The following TMEM273 variants were observed in gnomAD, a reference collection of about 807,000 sequenced individuals.
The protein encoded by TMEM273 is transmembrane protein 273, also known as chromosome 10 open reading frame 128.
TMEM273 carries 19 observed loss-of-function variants against 17.9 expected under a neutral mutation model. The observed-to-expected ratio is 1.06, with a 90% CI of 0.74 to 1.55. TMEM273 has a LOEUF of 1.55. Among genes scored for constraint, TMEM273 ranks in the 40% most tolerant of loss-of-function variants. The pLI, the probability that TMEM273 is intolerant of heterozygous loss-of-function variation, is 0.00. For synonymous variants in TMEM273, 66 were observed against 62.0 expected (o/e 1.07, Z -0.31); for missense variants, 194 against 155.6 (o/e 1.25, Z -1.31).
At chr10:49,170,774 C>G (rs2132186205) in intron 1 of TMEM273, among the ~76,000 whole-genome samples, 1 of 152,320 alleles carries the variant, frequency 6.6e-6, no homozygotes, top group South Asian at 2.1e-4. Context: ...AGCTGTGACT[C>G]TACACACTCA....
intron 1 of TMEM273, among the ~76,000 whole-genome samples, chr10:49,173,478 G>T (rs1049762772): frequency 6.6e-6 from 1 of 152,168 alleles, no homozygotes; most frequent in African/African-American, 2.4e-5. Context: ...TCTCTTTGCC[G>T]CAATGCTTTT....
chr10:49,156,149 T>C (rs1169429079), intron 6 of TMEM273: 1 of 1,526,870 alleles, frequency 6.5e-7, no homozygotes, highest in South Asian at 1.2e-5. Context: ...CAAACAAAAC[T>C]TCATCCACTT....
intron 1 of TMEM273, among the ~76,000 whole-genome samples, chr10:49,176,845 A>G (rs577213406): frequency 1.8e-4 from 27 of 152,344 alleles, no homozygotes; most frequent in Non-Finnish European, 3.8e-4. Context: ...CATCCGTGCT[A>G]GGCATCTCCA....
At chr10:49,185,755 G>A (rs1459673482) in intron 1 of TMEM273, among the ~76,000 whole-genome samples, 1 of 152,024 alleles carries the variant, frequency 6.6e-6, no homozygotes, top group East Asian at 1.9e-4. Context: ...GAGGTGGGCG[G>A]AACACCTGAG....
At chr10:49,177,767 T>A (rs1317843351) in intron 1 of TMEM273, among the ~76,000 whole-genome samples, 1 of 152,224 alleles carries the variant, frequency 6.6e-6, no homozygotes, top group Non-Finnish European at 1.5e-5. Context: ...CTCAGGGAGC[T>A]CTGGCTGGGT....
At chr10:49,163,884 G>T (rs563563538) in intron 5 of TMEM273, among the ~76,000 whole-genome samples, 1 of 152,112 alleles carries the variant, frequency 6.6e-6, no homozygotes, top group East Asian at 1.9e-4. Flanking sequence ...CATCCCAAGC[G>T]CATGACTCCA....
chr10:49,167,460 C>T (rs529227176), intron 2 of TMEM273, among the ~76,000 whole-genome samples: 34 of 152,322 alleles, frequency 2.2e-4, no homozygotes, highest in Middle Eastern at 3.4e-3. Context: ...GAGCTCATGA[C>T]GGGAGAGGCT....
chr10:49,156,632 T>C (rs925077779), intron 6 of TMEM273, among the ~76,000 whole-genome samples: 13 of 152,218 alleles, frequency 8.5e-5, no homozygotes, highest in African/African-American at 3.1e-4. Flanking sequence ...GACTTTCCAT[T>C]GTGTATATTC....
At chr10:49,186,531 T>C (rs1847740397) in intron 1 of TMEM273, among the ~76,000 whole-genome samples, 4 of 152,228 alleles carry the variant, frequency 2.6e-5, no homozygotes, top group Admixed American at 2.0e-4. Context: ...TCATATCCAA[T>C]AGTGAGTGCT....
At chr10:49,156,402 G>T in intron 6 of TMEM273, 2 of 644,270 alleles carry the variant, frequency 3.1e-6, no homozygotes, top group Non-Finnish European at 4.5e-6. Context: ...CAGCATAGGT[G>T]TCTAAAAAAG....
rs61599274 is a variant in TMEM273, at chr10:49,187,626, GTCTC to G, written c.43+664_43+667del. 5.1e-3 allele frequency among the ~76,000 whole-genome samples: 777 copies of G among 151,342 alleles called. 7 individuals carry two copies. The highest frequency in any genetic ancestry group is 0.018 in the African/African-American group (727 of 41,304). ...TAACCATCTCTCTATGTCTCTGTCT[GTCTC>G]TCTCTCTCTCTCTTTGAGTTTCTTC... On this transcript the variant is annotated intron_variant, in intron 1 of 6. Transcript: ENST00000374153.
intron 5 of TMEM273, among the ~76,000 whole-genome samples, chr10:49,163,711 A>T (rs1003982827): frequency 6.6e-6 from 1 of 152,170 alleles, no homozygotes; most frequent in African/African-American, 2.4e-5. Context: ...AGAGAAGGAG[A>T]GTGAGAGTCA....
chr10:49,185,498 G>C (rs188599281), intron 1 of TMEM273, among the ~76,000 whole-genome samples: 1 of 152,106 alleles, frequency 6.6e-6, no homozygotes, highest in Non-Finnish European at 1.5e-5. Context: ...GCACTAAACA[G>C]TGCTCTAGGC....
rs1472366368 is a variant in TMEM273 at position 49,165,795 on chromosome 10, G to A, written c.240C>T (p.Asp80=). 1.2e-6 allele frequency: 2 copies of A among 1,614,168 alleles called. No individual in the cohort carries two copies. Among genetic ancestry groups the A allele is most frequent in the South Asian group, 2.2e-5 (2 of 91,074 alleles). Residue 80 remains aspartate, a splice_region_variant and synonymous_variant, in exon 4 of 7, where the codon GAC becomes GAT. Coordinates refer to ENST00000374153, the MANE Select transcript of TMEM273 (RefSeq NM_001288740.3). ...GGGCTCTCTTCTTTAGCGGGATGGT[G>A]TCTAAACAGAGAAAGCCGGGCATTA... ...DLKSTPGGLS[D]TIPLKKRAPR...
intron 1 of TMEM273, among the ~76,000 whole-genome samples, chr10:49,183,849 A>C (rs923196371): frequency 2.0e-5 from 3 of 152,132 alleles, no homozygotes; most frequent in African/African-American, 7.2e-5. Flanking sequence ...AGAGTGTTAC[A>C]TGTAAGAGGA....
At chr10:49,176,993 T>C (rs7912402) in intron 1 of TMEM273, among the ~76,000 whole-genome samples, 52,018 of 152,132 alleles carry the variant, frequency 0.34, 9,054 homozygotes, top group South Asian at 0.54. Flanking sequence ...CTGCAGTCCA[T>C]TCTTCAGGGG....
At chr10:49,166,749 C>T (rs977084533) in intron 3 of TMEM273, 120 bp downstream of exon 3, 4 of 1,472,954 alleles carry the variant, frequency 2.7e-6, no homozygotes, top group Non-Finnish European at 3.8e-6. Context: ...CACTGCCTTC[C>T]TTTACAGCCT....
Position 49,155,724 on chromosome 10 carries a change from A to G in TMEM273, c.*168T>C. ...GAGGCATGATATTTTCCTTCAGGAC[A>G]GAGGCACTGTATATTCTATTCCTTC... On this transcript the variant is annotated 3_prime_UTR_variant, in exon 7 of 7. Transcript: ENST00000374153. The G allele has an allele frequency of 1.1e-6, 1 of 900,770 alleles. No homozygotes were observed. The highest frequency in any genetic ancestry group is 1.7e-6 in the Non-Finnish European group (1 of 584,888). The allele number at this position is 900,770 out of a possible 1,614,324, so 55.8% of individuals were successfully genotyped here. A position where few individuals can be genotyped will look rare whatever the true frequency, so the allele number is the denominator to read the frequency against.
chr10:49,160,176 C>A (rs1285300409), intron 6 of TMEM273, among the ~76,000 whole-genome samples: 1 of 152,102 alleles, frequency 6.6e-6, no homozygotes, highest in Non-Finnish European at 1.5e-5. Context: ...TGTTGGGGGT[C>A]GGGATATTCA....
Sources: gnomAD v4.1 joint callset for allele counts (sites outside exome capture counted in the v4.1 genomes callset) on GRCh38, gnomAD v4.1.1 for gene constraint, MANE v1.5 for transcripts, NCBI Gene and HGNC (gene_info 2026-07-23, HGNC 2026-07-21) for gene names.